GNG7: variants seen among roughly 807,000 people sequenced by gnomAD.
GNG7 encodes guanine nucleotide-binding protein G(I)/G(S)/G(O) subunit gamma-7.
Under a neutral mutation model 4.0 loss-of-function variants are expected in GNG7, and 1 was observed. The observed-to-expected ratio is 0.25, with a 90% CI of 0.09 to 1.18. The LOEUF is 1.18. Among genes scored for constraint, GNG7 ranks in the 50% most tolerant of loss-of-function variants. The pLI, the probability that GNG7 is intolerant of heterozygous loss-of-function variation, is 0.50. For synonymous variants in GNG7, 34 were observed against 36.9 expected, an observed-to-expected ratio of 0.92 and a Z score of 0.29; for missense variants, 86 against 91.9, an observed-to-expected ratio of 0.94 and a Z score of 0.26.
At chr19:2,651,720 C>T (rs1207640681) in intron 1 of GNG7, among the ~76,000 whole-genome samples, 1 of 151,238 alleles carries the variant, frequency 6.6e-6, no homozygotes, top group East Asian at 2.0e-4. Flanking sequence ...TGCCCATCAC[C>T]ACGCCCAGCT....
At chr19:2,638,038 G>A (rs115201386) in intron 2 of GNG7, among the ~76,000 whole-genome samples, 11,613 of 152,170 alleles carry the variant, frequency 0.076, 488 homozygotes, top group Middle Eastern at 0.12. Flanking sequence ...TTATTCTGGT[G>A]TCCAGTGTGA....
chr19:2,511,783 C>T lies in GNG7; in HGVS notation c.*3239G>A, dbSNP rs139802479. The T allele has an allele frequency of 1.9e-3, 1,826 of 985,742 alleles. 3 individuals are homozygous for T. The highest frequency in any genetic ancestry group is 2.0e-3 in the Non-Finnish European group (1,644 of 829,776). The allele number at this position is 985,742 out of a possible 1,614,324, so 61.1% of individuals were successfully genotyped here. A position where few individuals can be genotyped will look rare whatever the true frequency, so the allele number is the denominator to read the frequency against. ...ACCTTCCGCCCTGGCCCAGCCGCCC[C>T]GTTTATGTCCCCAGAGGCCAGAGGT... On this transcript the variant is annotated 3_prime_UTR_variant, in exon 5 of 5. Transcript: ENST00000382159. This position sits in a 1 kb window ranked among gnomAD's most constrained non-coding sequence, Gnocchi z 6.3.
Position 2,599,606 on chromosome 19 carries a change from G to A in GNG7, c.-77-44418C>T, listed in dbSNP as rs538812519. Among the ~76,000 whole-genome samples the A allele has an allele frequency of 7.2e-5, 11 of 152,254 alleles. No individual in the cohort carries two copies. The South Asian group carries it at 2.1e-3, about 29-fold the overall frequency. On this transcript the variant is annotated intron_variant, in intron 2 of 4. Transcript: ENST00000382159. ...TTTGGTTTGTGACACCGGCGTTCAG[G>A]CACGGCCTAAAGGCAACATCAAAGA... is the stretch of plus-strand genomic sequence containing the variant.
rs1372232691 is a variant in GNG7, at chr19:2,513,440, G to A, written c.*1582C>T. On this transcript the variant is annotated 3_prime_UTR_variant, in exon 5 of 5. Coordinates refer to ENST00000382159, the MANE Select transcript of GNG7 (RefSeq NM_052847.3). ...TCAGGTGTGGCCGCAGGTGATGCCGGCAGGCCCTGGAAGATGTGGCTGCAC... is the reference window on the plus strand; with the variant it reads ...TCAGGTGTGGCCGCAGGTGATGCCGACAGGCCCTGGAAGATGTGGCTGCAC... 21 of 911,600 alleles carry A rather than the reference G, an allele frequency of 2.3e-5. No individual in the cohort carries two copies. The highest frequency in any genetic ancestry group is 2.6e-5 in the Non-Finnish European group (20 of 762,694). 56.5% of individuals were successfully genotyped at this position (911,600 alleles called of 1,614,324 possible). A position where few individuals can be genotyped will look rare whatever the true frequency, so the allele number is the denominator to read the frequency against.
At chr19:2,571,561 G>A (rs1980146845) in intron 2 of GNG7, among the ~76,000 whole-genome samples, 1 of 146,176 alleles carries the variant, frequency 6.8e-6, no homozygotes, top group African/African-American at 2.5e-5. Flanking sequence ...TATCAGATGT[G>A]TGGTCACTTT....
chr19:2,590,950 C>T (rs1331639538), intron 2 of GNG7, among the ~76,000 whole-genome samples: 2 of 152,204 alleles, frequency 1.3e-5, no homozygotes, highest in African/African-American at 4.8e-5. Context: ...TCCATCCATC[C>T]ATCCACATAC....
At chr19:2,527,781 C>T (rs1295754852) in intron 3 of GNG7, among the ~76,000 whole-genome samples, 1 of 151,746 alleles carries the variant, frequency 6.6e-6, no homozygotes, top group Non-Finnish European at 1.5e-5. Context: ...GAAACCCCCC[C>T]CCCCACCAGT....
At chr19:2,598,432 C>T (rs1461069003) in intron 2 of GNG7, among the ~76,000 whole-genome samples, 20 of 150,694 alleles carry the variant, frequency 1.3e-4, no homozygotes, top group Non-Finnish European at 2.2e-4. Flanking sequence ...CCGAGGCGGG[C>T]GGATCACGAG....
intron 2 of GNG7, among the ~76,000 whole-genome samples, chr19:2,597,132 G>C (rs893202858): frequency 2.6e-5 from 4 of 151,984 alleles, no homozygotes; most frequent in African/African-American, 9.7e-5. Context: ...AGGCATGGTG[G>C]TGTGCACCTG....
At chr19:2,645,413 A>G (rs934750626) in intron 2 of GNG7, among the ~76,000 whole-genome samples, 4 of 151,442 alleles carry the variant, frequency 2.6e-5, no homozygotes, top group Non-Finnish European at 5.9e-5. Flanking sequence ...TGATTTTCCT[A>G]TTTTTAGTAG....
intron 2 of GNG7, among the ~76,000 whole-genome samples, chr19:2,569,419 G>A (rs1980076970): frequency 6.6e-6 from 1 of 152,128 alleles, no homozygotes; most frequent in South Asian, 2.1e-4. Context: ...GGGACTACAG[G>A]CGCCCGCCAC....
chr19:2,544,012 C>T (rs1245018668), intron 3 of GNG7, among the ~76,000 whole-genome samples: 2 of 152,096 alleles, frequency 1.3e-5, no homozygotes, highest in African/African-American at 4.8e-5. Flanking sequence ...AAACCTCTGC[C>T]TGCCTCGAAA....
intron 3 of GNG7, among the ~76,000 whole-genome samples, chr19:2,521,378 G>C (rs1026219778): frequency 6.6e-6 from 1 of 152,196 alleles, no homozygotes. Context: ...CCATGGCAGG[G>C]GTTCTTGCCC....
chr19:2,649,179 C>G (rs986176020), intron 1 of GNG7, among the ~76,000 whole-genome samples: 1 of 151,936 alleles, frequency 6.6e-6, no homozygotes, highest in Non-Finnish European at 1.5e-5. Context: ...TCAAGTGATC[C>G]TCTCACCACC....
intron 2 of GNG7, among the ~76,000 whole-genome samples, chr19:2,562,133 A>C (rs1010833512): frequency 1.3e-5 from 2 of 152,030 alleles, no homozygotes; most frequent in African/African-American, 4.8e-5. Flanking sequence ...CCCTCCACCC[A>C]CTCAGGGGTT....
intron 1 of GNG7, among the ~76,000 whole-genome samples, chr19:2,666,609 G>A (rs927285122): frequency 6.6e-6 from 1 of 152,146 alleles, no homozygotes; most frequent in African/African-American, 2.4e-5. Flanking sequence ...ACCTTGCCTG[G>A]CCAGATTACC....
chr19:2,681,622 G>A (rs1377472903), intron 1 of GNG7, among the ~76,000 whole-genome samples: 2 of 152,144 alleles, frequency 1.3e-5, no homozygotes, highest in African/African-American at 4.8e-5. Flanking sequence ...TCCCTTAGGT[G>A]TACGTCTAGG....
chr19:2,646,345 G>C (rs1433442591), intron 1 of GNG7, 65 bp from the exon 2 acceptor site: 2 of 152,142 alleles, frequency 1.3e-5, no homozygotes, highest in Non-Finnish European at 2.9e-5. Flanking sequence ...TGTGTTGATG[G>C]GGTCAGCATT....
chr19:2,672,236 T>C (rs1983474244), intron 1 of GNG7, among the ~76,000 whole-genome samples: 2 of 151,458 alleles, frequency 1.3e-5, no homozygotes, highest in African/African-American at 2.4e-5. Context: ...GGTTTTGCCA[T>C]GTGGGCCAGG....
Sources: gnomAD v4.1 joint callset for allele counts (sites outside exome capture counted in the v4.1 genomes callset) on GRCh38, gnomAD v4.1.1 for gene constraint, Gnocchi (gnomAD v3.1) non-coding constraint, MANE v1.5 for transcripts, NCBI Gene and HGNC (gene_info 2026-07-23, HGNC 2026-07-21) for gene names.